C1orf198: variants seen among roughly 807,000 people sequenced by gnomAD.
C1orf198 encodes chromosome 1 open reading frame 198, also known as uncharacterized protein C1orf198.
C1orf198 carries 17 observed loss-of-function variants against 31.4 expected under a neutral mutation model. The ratio of observed to expected loss-of-function variants is 0.54; its 90% CI spans 0.37 to 0.81. The LOEUF (loss-of-function observed/expected upper bound fraction) is 0.81. Ranked by LOEUF, C1orf198 falls within the 40% of genes least tolerant of loss-of-function variation. C1orf198 has a pLI of 0.00. For synonymous variants in C1orf198, 175 were observed against 193.8 expected (o/e 0.90, Z 0.81); for missense variants, 401 against 450.3 (o/e 0.89, Z 0.99).
chr1:230,852,186 G>T (rs1669764275), intron 2 of C1orf198, among the ~76,000 whole-genome samples: 1 of 152,188 alleles, frequency 6.6e-6, no homozygotes, highest in South Asian at 2.1e-4. Context: ...TGACTCGGTG[G>T]CTATAGCTTT....
At chr1:230,851,022 C>A (rs1572132639) in intron 2 of C1orf198, among the ~76,000 whole-genome samples, 1 of 152,056 alleles carries the variant, frequency 6.6e-6, no homozygotes, top group Admixed American at 6.5e-5. Context: ...ACCAGCCTCC[C>A]AAGGGTGAAA....
intron 2 of C1orf198, among the ~76,000 whole-genome samples, chr1:230,853,688 GA>G (rs1236197446): frequency 6.6e-6 from 1 of 152,202 alleles, no homozygotes; most frequent in Non-Finnish European, 1.5e-5. Context: ...ACAGGAGTAT[GA>G]AATGAAACTG....
intron 1 of C1orf198, among the ~76,000 whole-genome samples, chr1:230,865,156 G>C (rs1387298939): frequency 6.6e-6 from 1 of 152,222 alleles, no homozygotes; most frequent in East Asian, 1.9e-4. Flanking sequence ...TGAGCCATTG[G>C]TTCTGCCACC....
Position 230,837,929 on chromosome 1 carries a change from A to G in C1orf198, c.*1923T>C, listed in dbSNP as rs561134437. The G allele has an allele frequency of 6.6e-6, 1 of 152,392 alleles. No individual in the cohort carries two copies. The highest frequency in any genetic ancestry group is 1.9e-4 in the East Asian group (1 of 5,190). 9.4% of individuals were successfully genotyped at this position (152,392 alleles called of 1,614,324 possible). A position where few individuals can be genotyped will look rare whatever the true frequency, so the allele number is the denominator to read the frequency against. Reference sequence around the variant, plus strand: ...TTGTTGAGAAAGTGGGAAAGAAATTAGAATTTCTCCCAATAGAAGAGGCAG... The same window carrying G: ...TTGTTGAGAAAGTGGGAAAGAAATTGGAATTTCTCCCAATAGAAGAGGCAG... On this transcript the variant is annotated 3_prime_UTR_variant, in exon 4 of 4. Transcript: ENST00000366663.
intron 1 of C1orf198, among the ~76,000 whole-genome samples, chr1:230,858,866 T>C (rs918864312): frequency 2.0e-5 from 3 of 152,240 alleles, no homozygotes; most frequent in African/African-American, 4.8e-5. Context: ...AGCCCAGAGC[T>C]TGGGGACAGT....
chr1:230,844,221 A>G (rs1004798129), intron 2 of C1orf198, among the ~76,000 whole-genome samples: 2 of 151,906 alleles, frequency 1.3e-5, no homozygotes, highest in African/African-American at 4.8e-5. Context: ...ACAGGGGCGG[A>G]TGTTGTCTTC....
Position 230,839,862 on chromosome 1 carries a change from T to C in C1orf198, c.974A>G (p.Asp325Gly), listed in dbSNP as rs1166676592. 6.2e-7 allele frequency: 1 copy of C among 1,610,832 alleles called. No individual in the cohort carries two copies. Among genetic ancestry groups the C allele is most frequent in the Non-Finnish European group, 8.5e-7 (1 of 1,179,166 alleles). ...VVLKTGFDFLDNW is the reference protein window; with the variant it reads ...VVLKTGFDFLGNW The stretch of plus-strand genomic sequence containing the variant: ...TTTTTCTAATACATTTTACCAATTG[T>C]CCAGAAAATCAAATCCCGTCTTCAA... Residue 325 changes from aspartate (D) to glycine (G), a missense_variant, in exon 4 of 4, where the codon GAC becomes GGC. Coordinates refer to ENST00000366663, the MANE Select transcript of C1orf198 (RefSeq NM_032800.3).
Position 230,868,392 on chromosome 1 carries a change from T to A in C1orf198, c.121A>T (p.Arg41Trp), listed in dbSNP as rs369977427. 6.3e-7 allele frequency: 1 copy of A among 1,598,058 alleles called. No homozygotes were observed. Among genetic ancestry groups the A allele is most frequent in the Admixed American group, 1.7e-5 (1 of 58,854 alleles). ...TYFSSLSPMA[R>W]KIMQDKEKIR... ...TTCTCCTTGTCCTGCATGATCTTCC[T>A]GGCCATGGGGCTCAGCGACGAGAAG... Residue 41 changes from arginine (R) to tryptophan (W), a missense_variant, in exon 1 of 4, where the codon AGG (arginine) becomes TGG (tryptophan). By Grantham distance (101) the Arg-to-Trp change is moderately radical. Transcript: ENST00000366663.
upstream of C1orf198, chr1:230,868,685 T>C (rs1202587): frequency 0.83 from 273,452 of 327,864 alleles, 114,670 homozygotes; most frequent in African/African-American, 0.96. Context: ...CGGCCCTCCG[T>C]GGCCCCCTCC....
chr1:230,854,171 C>G (rs1441992245), intron 2 of C1orf198, among the ~76,000 whole-genome samples: 1 of 152,156 alleles, frequency 6.6e-6, no homozygotes, highest in Non-Finnish European at 1.5e-5. Flanking sequence ...ATGATATCTT[C>G]AAATATAGAC....
In C1orf198 at chr1:230,868,388, T is replaced by C; in HGVS notation, c.125A>G (p.Lys42Arg). 6.3e-7 allele frequency: 1 copy of C among 1,598,472 alleles called. No homozygotes were observed. Among genetic ancestry groups the C allele is most frequent in the South Asian group, 1.1e-5 (1 of 89,342 alleles). ...YFSSLSPMARKIMQDKEKIRE... is the reference protein window; with the variant it reads ...YFSSLSPMARRIMQDKEKIRE... ...GATCTTCTCCTTGTCCTGCATGATC[T>C]TCCTGGCCATGGGGCTCAGCGACGA... The change falls in exon 1 of 4, where the codon AAG becomes AGG. Residue 42 changes from lysine to arginine, a missense_variant. Coordinates refer to ENST00000366663, the MANE Select transcript of C1orf198 (RefSeq NM_032800.3).
chr1:230,841,684 T>C (rs1669446743), intron 3 of C1orf198, among the ~76,000 whole-genome samples: 1 of 152,184 alleles, frequency 6.6e-6, no homozygotes, highest in Admixed American at 6.5e-5. Flanking sequence ...TTGATGGGAA[T>C]GTAAAATGAC....
At chr1:230,848,215 G>C (rs1255323857) in intron 2 of C1orf198, among the ~76,000 whole-genome samples, 2 of 152,220 alleles carry the variant, frequency 1.3e-5, no homozygotes, top group Non-Finnish European at 1.5e-5. Context: ...CCTAGTTTAG[G>C]GGGTCTGGAG....
At chr1:230,850,390 A>G (rs16852853) in intron 2 of C1orf198, among the ~76,000 whole-genome samples, 16,872 of 152,224 alleles carry the variant, frequency 0.11, 2,184 homozygotes, top group African/African-American at 0.32. Context: ...ACGTGGTGAG[A>G]TTCCTGATTG....
In C1orf198 at chr1:230,841,722, G is replaced by C. The variant is rs116734858; in HGVS notation, c.927+1632C>G. 3.8e-3 allele frequency among the ~76,000 whole-genome samples: 580 copies of C among 152,326 alleles called. 3 individuals carry two copies. The highest frequency in any genetic ancestry group is 0.013 in the African/African-American group (556 of 41,572). On this transcript the variant is annotated intron_variant, in intron 3 of 3. Transcript: ENST00000366663. ...AGCTGCTGTGGCGAACAGTATGCAG[G>C]TTCTTCAAAAAAGTAGAAATAGAAC...
intron 1 of C1orf198, among the ~76,000 whole-genome samples, chr1:230,860,701 T>C (rs1446755170): frequency 6.6e-6 from 1 of 152,194 alleles, no homozygotes; most frequent in East Asian, 1.9e-4. Context: ...TATCAGAGAC[T>C]GAGGCCAGGA....
intron 1 of C1orf198, among the ~76,000 whole-genome samples, chr1:230,863,694 G>A (rs755127159): frequency 3.3e-5 from 5 of 152,166 alleles, no homozygotes; most frequent in Non-Finnish European, 5.9e-5. Context: ...ACTCAGGGCA[G>A]AGAACCCACA....
intron 1 of C1orf198, chr1:230,856,061 A>C: frequency 1.1e-6 from 1 of 951,924 alleles, no homozygotes; most frequent in Non-Finnish European, 1.3e-6. Context: ...GCCCTGAACA[A>C]TGATTAGCTG....
rs149394860 is a variant in C1orf198 at position 230,863,155 on chromosome 1, A to C, written c.333+5025T>G. ...ACTCTGCTGAGATAAGGGGGTTTCCATAACTGGAAATACAACACTGCAGTT... is the reference window on the plus strand; with the variant it reads ...ACTCTGCTGAGATAAGGGGGTTTCCCTAACTGGAAATACAACACTGCAGTT... On this transcript the variant is annotated intron_variant, in intron 1 of 3. Transcript: ENST00000366663. Among the ~76,000 whole-genome samples the C allele has an allele frequency of 2.0e-4, 31 of 152,330 alleles. No individual in the cohort carries two copies. The East Asian group carries it at 5.2e-3, about 26-fold the overall frequency.
Sources: gnomAD v4.1 joint callset for allele counts (sites outside exome capture counted in the v4.1 genomes callset) on GRCh38, gnomAD v4.1.1 for gene constraint, MANE v1.5 for transcripts, NCBI Gene and HGNC (gene_info 2026-07-23, HGNC 2026-07-21) for gene names.